The following DCAF5 variants were observed in gnomAD, a reference collection of about 807,000 sequenced individuals.
DCAF5 encodes the protein DDB1 and CUL4 associated factor 5.
In DCAF5, 9 loss-of-function variants were observed where a neutral mutation model predicts 80.7. The ratio of observed to expected loss-of-function variants is 0.11; its 90% CI spans 0.07 to 0.19. The LOEUF (loss-of-function observed/expected upper bound fraction) is 0.19, where lower values mean the gene tolerates loss of function less well. DCAF5 is among the 10% of genes least tolerant of loss of function. The pLI, the probability that DCAF5 is intolerant of heterozygous loss-of-function variation, is 1.00. For synonymous variants in DCAF5, 433 were observed against 461.9 expected, an observed-to-expected ratio of 0.94 and a Z score of 0.80; for missense variants, 842 against 1,205.7, an observed-to-expected ratio of 0.70 and a Z score of 4.47.
chr14:69,080,526 G>A (rs905132397), intron 6 of DCAF5, among the ~76,000 whole-genome samples: 1 of 152,160 alleles, frequency 6.6e-6, no homozygotes, highest in Non-Finnish European at 1.5e-5. Context: ...AGTGAAATTG[G>A]AGGCACAGGT....
Position 69,053,553 on chromosome 14 carries a change from C to G in DCAF5, c.*304G>C, listed in dbSNP as rs917932205. The G allele has an allele frequency of 3.3e-6, 1 of 307,412 alleles. No homozygotes were observed. The highest frequency in any genetic ancestry group is 6.0e-6 in the Non-Finnish European group (1 of 166,628). The allele number at this position is 307,412 out of a possible 1,614,324, so 19.0% of individuals were successfully genotyped here. The stretch of plus-strand genomic sequence containing the variant: ...TGTGCGTACACAAGAACAAGTCGAA[C>G]GTCTCAACAAAGATTTACTTCCACA... On this transcript the variant is annotated 3_prime_UTR_variant, in exon 9 of 9. Transcript: ENST00000341516.
At chr14:69,114,836 G>A (rs950622109) in intron 5 of DCAF5, among the ~76,000 whole-genome samples, 2 of 152,050 alleles carry the variant, frequency 1.3e-5, no homozygotes, top group African/African-American at 2.4e-5. Flanking sequence ...TATAATGCAC[G>A]GTAAGAAACT....
chr14:69,137,832 C>T (rs762295501), intron 1 of DCAF5, among the ~76,000 whole-genome samples: 2 of 152,136 alleles, frequency 1.3e-5, no homozygotes, highest in Non-Finnish European at 2.9e-5. Context: ...ACTTTTATTA[C>T]AGTATAATAT....
At chr14:69,073,702 A>T (rs1376782932) in intron 7 of DCAF5, among the ~76,000 whole-genome samples, 1 of 152,188 alleles carries the variant, frequency 6.6e-6, no homozygotes, top group African/African-American at 2.4e-5. Flanking sequence ...AACCTACAAT[A>T]CTATTGCTAA....
intron 1 of DCAF5, among the ~76,000 whole-genome samples, chr14:69,144,572 G>A (rs1280287965): frequency 2.7e-5 from 4 of 149,938 alleles, no homozygotes; most frequent in African/African-American, 7.4e-5. Flanking sequence ...GCGAGACTCC[G>A]TTTAAAAAAA....
At chr14:69,143,422 G>A (rs569902442) in intron 1 of DCAF5, among the ~76,000 whole-genome samples, 26 of 152,152 alleles carry the variant, frequency 1.7e-4, no homozygotes, top group Admixed American at 2.6e-4. Flanking sequence ...TGTAATATAA[G>A]GATAATAATA....
intron 5 of DCAF5, among the ~76,000 whole-genome samples, chr14:69,101,988 A>C (rs1252563806): frequency 1.3e-5 from 2 of 152,212 alleles, no homozygotes; most frequent in Non-Finnish European, 2.9e-5. Flanking sequence ...ATGAATGTGA[A>C]GGCCTAGGAC....
At chr14:69,065,096 C>CTTTTT (rs34005299) in intron 7 of DCAF5, among the ~76,000 whole-genome samples, 24 of 120,310 alleles carry the variant, frequency 2.0e-4, no homozygotes, top group African/African-American at 4.5e-4. Flanking sequence ...AATATGACCT[C>CTTTTT]TTTTTTTTTT....
chr14:69,120,772 G>C (rs2040693929), intron 2 of DCAF5, among the ~76,000 whole-genome samples: 1 of 152,132 alleles, frequency 6.6e-6, no homozygotes, highest in African/African-American at 2.4e-5. Flanking sequence ...ACAGTGCTAG[G>C]TCTTGGGTAT....
chr14:69,120,947 G>A (rs1011651544), intron 2 of DCAF5, among the ~76,000 whole-genome samples: 10 of 152,206 alleles, frequency 6.6e-5, no homozygotes, highest in African/African-American at 2.2e-4. Flanking sequence ...AGTACATGGA[G>A]AAGGAGACCT....
intron 2 of DCAF5, 120 bp downstream of exon 2, chr14:69,122,097 G>C (rs2040740582): frequency 1.7e-6 from 2 of 1,201,728 alleles, no homozygotes; most frequent in Non-Finnish European, 2.4e-6. Context: ...CAAGCTATGA[G>C]AAACCAGTAA....
At chr14:69,099,534 T>C (rs929099730) in intron 5 of DCAF5, among the ~76,000 whole-genome samples, 1 of 151,950 alleles carries the variant, frequency 6.6e-6, no homozygotes, top group Non-Finnish European at 1.5e-5. Context: ...CATGAAGCCA[T>C]GACGCCACCA....
At chr14:69,098,972 G>T (rs1405937438) in intron 5 of DCAF5, among the ~76,000 whole-genome samples, 1 of 150,764 alleles carries the variant, frequency 6.6e-6, no homozygotes, top group East Asian at 2.0e-4. Context: ...AAACTAACAG[G>T]CCTGGCGCAG....
intron 6 of DCAF5, chr14:69,085,213 A>G (rs2039270082): frequency 8.4e-6 from 6 of 716,706 alleles, no homozygotes; most frequent in Non-Finnish European, 1.6e-5. Flanking sequence ...AGTTGCTGTC[A>G]TTGGTTTCAA....
intron 7 of DCAF5, among the ~76,000 whole-genome samples, chr14:69,063,932 T>C (rs1233346874): frequency 6.6e-6 from 1 of 152,196 alleles, no homozygotes; most frequent in African/African-American, 2.4e-5. Context: ...GAATGGAAAA[T>C]ATATTTATCG....
chr14:69,062,336 T>C (rs748786728), intron 8 of DCAF5, 48 bp downstream of exon 8: 2 of 1,600,452 alleles, frequency 1.2e-6, no homozygotes, highest in Non-Finnish European at 8.5e-7. Context: ...CTTCTAATTA[T>C]AAATTGTGAG....
At chr14:69,124,185 C>T (rs1343993759) in intron 1 of DCAF5, among the ~76,000 whole-genome samples, 2 of 152,230 alleles carry the variant, frequency 1.3e-5, no homozygotes, top group African/African-American at 2.4e-5. Context: ...AGTATTCCAT[C>T]GTATATATAT....
At chr14:69,146,338 C>G (rs1288831307) in intron 1 of DCAF5, among the ~76,000 whole-genome samples, 1 of 152,204 alleles carries the variant, frequency 6.6e-6, no homozygotes, top group African/African-American at 2.4e-5. Flanking sequence ...GTGACAAACC[C>G]AGGCATAAAT....
chr14:69,054,580 T>A lies in DCAF5; in HGVS notation c.2106A>T (p.Pro702=). The A allele has an allele frequency of 6.2e-7, 1 of 1,614,210 alleles. No individual in the cohort carries two copies. Among genetic ancestry groups the A allele is most frequent in the Non-Finnish European group, 8.5e-7 (1 of 1,180,036 alleles). ...AGGCTTCCTTACTGGAAGAAGGGGCTGGGTTGTCTTTGTGGCTGGTTCCTG... is the reference window on the plus strand; with the variant it reads ...AGGCTTCCTTACTGGAAGAAGGGGCAGGGTTGTCTTTGTGGCTGGTTCCTG... The part of the protein sequence containing the change: ...GRAGTSHKDN[P]APSSSKEACL... The change falls in exon 9 of 9, where the codon CCA becomes CCT. Residue 702 remains proline (P), a synonymous_variant. Coordinates refer to ENST00000341516, the MANE Select transcript of DCAF5 (RefSeq NM_003861.3).
Sources: gnomAD v4.1 joint callset for allele counts (sites outside exome capture counted in the v4.1 genomes callset) on GRCh38, gnomAD v4.1.1 for gene constraint, MANE v1.5 for transcripts, NCBI Gene and HGNC (gene_info 2026-07-23, HGNC 2026-07-21) for gene names.